The following STK4 variants were observed in gnomAD, a reference collection of about 807,000 sequenced individuals.
STK4 encodes serine/threonine kinase 4, also known as serine/threonine-protein kinase 4.
A neutral mutation model predicts 64.9 loss-of-function variants in STK4; 30 were observed. The ratio of observed to expected loss-of-function variants is 0.46; its 90% CI spans 0.35 to 0.63. The LOEUF is 0.63. Ranked by LOEUF, STK4 falls within the 20% of genes least tolerant of loss-of-function variation. The pLI, the probability that STK4 is intolerant of heterozygous loss-of-function variation, is 0.01. For missense variants in STK4, 466 were observed against 598.5 expected (o/e 0.78, Z 2.31); for synonymous variants, 177 against 199.0 (o/e 0.89, Z 0.93).
intron 10 of STK4, among the ~76,000 whole-genome samples, chr20:45,030,230 T>C (rs1455995223): frequency 2.6e-5 from 4 of 151,942 alleles, no homozygotes; most frequent in Admixed American, 2.6e-4. Context: ...CTCAGCCTCC[T>C]GAGTATCTGG....
chr20:45,005,665 A>C (rs531151731), intron 9 of STK4, among the ~76,000 whole-genome samples: 1 of 151,430 alleles, frequency 6.6e-6, no homozygotes, highest in Non-Finnish European at 1.5e-5. Context: ...AAAAAAAAAA[A>C]AACAAAACGT....
At chr20:45,029,228 C>G (rs1374236959) in intron 10 of STK4, among the ~76,000 whole-genome samples, 1 of 152,106 alleles carries the variant, frequency 6.6e-6, no homozygotes, top group East Asian at 1.9e-4. Context: ...GGCAGCTGCC[C>G]TCTTTAGGTA....
At chr20:45,072,786 AT>A (rs1980181216) in intron 10 of STK4, among the ~76,000 whole-genome samples, 1 of 152,250 alleles carries the variant, frequency 6.6e-6, no homozygotes, top group Non-Finnish European at 1.5e-5. Context: ...GAAACAGCTT[AT>A]TTATGGAAGA....
intron 9 of STK4, among the ~76,000 whole-genome samples, chr20:45,014,301 C>T (rs761069407): frequency 6.6e-6 from 1 of 151,964 alleles, no homozygotes; most frequent in African/African-American, 2.4e-5. Context: ...TGGGGCGTGC[C>T]TGTAATCCCA....
In STK4 at chr20:45,014,058, A is replaced by AT. The variant is rs1332908233; in HGVS notation, c.1148-10908dup. ...CACCATTATCCGTTTTCAAGCAACC[A>AT]TTTTTTTAAAGCAGAAGAATTTCTT... On this transcript the variant is annotated intron_variant, in intron 9 of 10. Transcript: ENST00000372806. Among the ~76,000 whole-genome samples, 4 of 152,234 alleles carry AT rather than the reference A, an allele frequency of 2.6e-5. No homozygotes were observed. The South Asian group carries it at 8.3e-4, about 31-fold the overall frequency.
chr20:45,033,093 G>A (rs1188563786), intron 10 of STK4, among the ~76,000 whole-genome samples: 2 of 152,030 alleles, frequency 1.3e-5, no homozygotes, highest in East Asian at 1.9e-4. Flanking sequence ...GTCTGTTCAT[G>A]TCCTTTCCCC....
At chr20:44,981,980 TTCTTATGCCA>T (rs1273177597) in intron 4 of STK4, 37 bp downstream of exon 4, 4 of 1,391,974 alleles carry the variant, frequency 2.9e-6, no homozygotes, top group Admixed American at 1.7e-5. Context: ...CTGAGCTAGT[TTCTTATGCCA>T]TCTTCTTTTC....
intron 6 of STK4, among the ~76,000 whole-genome samples, chr20:44,995,694 G>T (rs184368297): frequency 3.3e-5 from 5 of 151,170 alleles, no homozygotes; most frequent in Admixed American, 3.3e-4. Flanking sequence ...TGTAAGTGTC[G>T]CTATAGATGA....
intron 9 of STK4, chr20:45,004,474 AT>A (rs1183909282): frequency 4.6e-5 from 7 of 152,092 alleles, no homozygotes; most frequent in South Asian, 2.1e-4. Flanking sequence ...TAAAAAAAAA[AT>A]AATCTTTTAA....
At chr20:45,068,493 G>A (rs1202592940) in intron 10 of STK4, among the ~76,000 whole-genome samples, 5 of 152,088 alleles carry the variant, frequency 3.3e-5, no homozygotes, top group Non-Finnish European at 7.4e-5. Context: ...ATGAGAAAAC[G>A]GAATCTCAGA....
chr20:45,064,029 C>T (rs1342194740), intron 10 of STK4, among the ~76,000 whole-genome samples: 1 of 151,682 alleles, frequency 6.6e-6, no homozygotes, highest in Non-Finnish European at 1.5e-5. Context: ...AGGATGGTCT[C>T]GATCTCTTGA....
At chr20:45,036,906 A>G (rs2068537306) in intron 10 of STK4, among the ~76,000 whole-genome samples, 1 of 152,144 alleles carries the variant, frequency 6.6e-6, no homozygotes, top group South Asian at 2.1e-4. Flanking sequence ...CTGTATTTCA[A>G]AACATCATGT....
chr20:45,072,861 A>G (rs543063092), intron 10 of STK4, among the ~76,000 whole-genome samples: 2 of 152,384 alleles, frequency 1.3e-5, no homozygotes, highest in African/African-American at 4.8e-5. Flanking sequence ...AACAATAACA[A>G]CAGTGATAAC....
intron 9 of STK4, among the ~76,000 whole-genome samples, chr20:45,018,053 A>G (rs6065773): frequency 0.26 from 38,960 of 152,206 alleles, 5,671 homozygotes; most frequent in Middle Eastern, 0.43. Flanking sequence ...GAGCTGATAC[A>G]TGTAAAGCAC....
chr20:44,988,533 G>GTGTA (rs1221720136), intron 5 of STK4, among the ~76,000 whole-genome samples: 1,445 of 101,462 alleles, frequency 0.014, 13 homozygotes, highest in Non-Finnish European at 0.017. Flanking sequence ...ATGTGTGTGT[G>GTGTA]TATATATATA....
At chr20:45,072,985 C>A (rs1481625268) in intron 10 of STK4, among the ~76,000 whole-genome samples, 1 of 152,132 alleles carries the variant, frequency 6.6e-6, no homozygotes, top group Non-Finnish European at 1.5e-5. Flanking sequence ...GGTGGAGGAA[C>A]AAAATAGTAT....
chr20:44,993,915 G>A (rs2067681361), intron 5 of STK4, among the ~76,000 whole-genome samples: 1 of 151,548 alleles, frequency 6.6e-6, no homozygotes, highest in African/African-American at 2.4e-5. Context: ...AGGGGCGGAG[G>A]TTGCAGTGAG....
chr20:45,003,599 A>G (rs984095821), intron 9 of STK4, among the ~76,000 whole-genome samples: 1 of 152,180 alleles, frequency 6.6e-6, no homozygotes, highest in African/African-American at 2.4e-5. Flanking sequence ...ATCCTTGGAA[A>G]TTAAAATTAT....
chr20:45,041,632 G>A (rs190617792), intron 10 of STK4, among the ~76,000 whole-genome samples: 113 of 150,642 alleles, frequency 7.5e-4, no homozygotes, highest in Middle Eastern at 3.4e-3. Context: ...GGTTTTTTAG[G>A]TTCATGCTTT....
Sources: allele counts gnomAD v4.1 joint callset (sites outside exome capture counted in the v4.1 genomes callset), GRCh38; gene constraint gnomAD v4.1.1; transcripts MANE v1.5; gene names NCBI Gene and HGNC (gene_info 2026-07-23, HGNC 2026-07-21).